Variants in ZNF665 observed in about 807,000 individuals in gnomAD.
ZNF665 encodes the protein zinc finger protein 665.
In ZNF665, 6 loss-of-function variants were observed where a neutral mutation model predicts 7.9. The ratio of observed to expected loss-of-function variants is 0.76; its 90% CI spans 0.42 to 1.50. The LOEUF (loss-of-function observed/expected upper bound fraction) is 1.50. ZNF665 is among the 40% of genes most tolerant of loss of function. The probability of loss-of-function intolerance (pLI) is 0.01; values close to 1 mark genes in which losing one functional copy is unlikely to be tolerated. For synonymous variants in ZNF665, 242 were observed against 274.5 expected (o/e 0.88, Z 1.17); for missense variants, 819 against 806.7 (o/e 1.02, Z -0.18).
intron 1 of ZNF665, among the ~76,000 whole-genome samples, chr19:53,184,792 C>T (rs561276368): frequency 1.8e-4 from 27 of 150,798 alleles, no homozygotes; most frequent in African/African-American, 4.6e-4. Context: ...TGCCAGGCCG[C>T]GCTGATATTT....
intron 3 of ZNF665, among the ~76,000 whole-genome samples, chr19:53,174,387 T>G (rs546511961): frequency 4.6e-5 from 7 of 152,240 alleles, no homozygotes; most frequent in African/African-American, 1.7e-4. Flanking sequence ...GGGTATTAAG[T>G]GGTAGGGAAA....
chr19:53,183,741 A>G (rs1183023301), intron 1 of ZNF665, among the ~76,000 whole-genome samples: 1 of 152,142 alleles, frequency 6.6e-6, no homozygotes, highest in Admixed American at 6.5e-5. Context: ...GGGTGTTTGC[A>G]CCTGCACCTG....
intron 3 of ZNF665, among the ~76,000 whole-genome samples, chr19:53,167,547 C>T (rs1317386122): frequency 2.0e-5 from 3 of 149,766 alleles, no homozygotes; most frequent in East Asian, 2.1e-4. Context: ...CCCGGGTTCC[C>T]GCCATTCTCC....
chr19:53,178,669 AC>A (rs760981733), intron 2 of ZNF665, among the ~76,000 whole-genome samples: 3 of 152,246 alleles, frequency 2.0e-5, no homozygotes, highest in Admixed American at 6.5e-5. Context: ...GTCGAGCAAA[AC>A]TGGCCACAGA....
chr19:53,166,470 A>G lies in ZNF665; in HGVS notation c.143-123T>C, dbSNP rs2090617000. The G allele has an allele frequency of 1.0e-5, 9 of 901,748 alleles. No homozygotes were observed. In the South Asian group the frequency reaches 1.9e-4, roughly 19 times the overall value. 55.9% of individuals were successfully genotyped at this position (901,748 alleles called of 1,614,324 possible). On this transcript the variant is annotated intron_variant, in intron 3 of 3. Coordinates refer to ENST00000396424, the MANE Select transcript of ZNF665 (RefSeq NM_024733.5). ...ATGTTGAACAGACTTACGATTCTTC[A>G]GAACCATAATTTTCCAGAACACAAA... is the stretch of plus-strand genomic sequence containing the variant.
At chr19:53,170,191 A>G (rs1002433027) in intron 3 of ZNF665, among the ~76,000 whole-genome samples, 1 of 151,636 alleles carries the variant, frequency 6.6e-6, no homozygotes, top group African/African-American at 2.4e-5. Flanking sequence ...CCTCTCCAGC[A>G]CCTGTTGTTT....
intron 1 of ZNF665, among the ~76,000 whole-genome samples, chr19:53,184,742 C>T (rs2090763975): frequency 6.6e-6 from 1 of 152,090 alleles, no homozygotes; most frequent in Non-Finnish European, 1.5e-5. Flanking sequence ...GCCCGGGGGA[C>T]CACTACCACC....
chr19:53,169,450 T>C (rs566144843), intron 3 of ZNF665, among the ~76,000 whole-genome samples: 271 of 152,282 alleles, frequency 1.8e-3, no homozygotes, highest in African/African-American at 5.8e-3. Context: ...ACACTGGTAG[T>C]GGGAATGTAA....
At chr19:53,171,416 T>TA (rs1357598512) in intron 3 of ZNF665, among the ~76,000 whole-genome samples, 1 of 151,010 alleles carries the variant, frequency 6.6e-6, no homozygotes, top group African/African-American at 2.4e-5. Flanking sequence ...AGGAGGTGGC[T>TA]ATGAAATTGT....
rs148568590 is a variant in ZNF665 at position 53,174,332 on chromosome 19, G to A, written c.142+1113C>T. Among the ~76,000 whole-genome samples, 92 of 152,280 alleles carry A rather than the reference G, an allele frequency of 6.0e-4. 1 individual carries two copies. Among genetic ancestry groups the A allele is most frequent in the East Asian group, 5.0e-3 (26 of 5,184 alleles). ...CATGTGTTGCTCTTTGGGCTGTAGCGCCACTGCAGGTTGGAAGGATGAAGT... is the reference window on the plus strand; with the variant it reads ...CATGTGTTGCTCTTTGGGCTGTAGCACCACTGCAGGTTGGAAGGATGAAGT... On this transcript the variant is annotated intron_variant, in intron 3 of 3. Transcript: ENST00000396424.
chr19:53,171,524 A>ATATATATATTTTTTT (rs372855271), intron 3 of ZNF665, among the ~76,000 whole-genome samples: 13 of 69,332 alleles, frequency 1.9e-4, no homozygotes, highest in Admixed American at 2.2e-4. Context: ...ATATATATAT[A>ATATATATATTTTTTT]TTTTTTTTTT....
intron 2 of ZNF665, 95 bp downstream of exon 2, chr19:53,182,789 C>G: frequency 1.3e-6 from 2 of 1,585,134 alleles, no homozygotes; most frequent in Non-Finnish European, 1.7e-6. Flanking sequence ...ACCTGTCAGG[C>G]AGGATGCTTC....
Position 53,166,514 on chromosome 19 carries a change from C to G in ZNF665, c.143-167G>C, listed in dbSNP as rs2090617267. Among the ~76,000 whole-genome samples, 3 of 152,154 alleles carry G rather than the reference C, an allele frequency of 2.0e-5. No homozygotes were observed. In the South Asian group the frequency reaches 6.2e-4, roughly 31 times the overall value. ...ACACAAAAGGAACAGGATTCCTTAT[C>G]AAAGAAAAGGTGGTAACATGTAATT... is the stretch of plus-strand genomic sequence containing the variant. On this transcript the variant is annotated intron_variant, in intron 3 of 3. Coordinates refer to ENST00000396424, the MANE Select transcript of ZNF665 (RefSeq NM_024733.5).
intron 1 of ZNF665, among the ~76,000 whole-genome samples, chr19:53,185,398 C>T (rs1464717426): frequency 6.6e-6 from 1 of 152,082 alleles, no homozygotes; most frequent in Non-Finnish European, 1.5e-5. Context: ...GTCCCCTCAG[C>T]TCCTATCTCT....
chr19:53,173,657 G>T (rs1315889874), intron 3 of ZNF665, among the ~76,000 whole-genome samples: 1 of 152,072 alleles, frequency 6.6e-6, no homozygotes, highest in Non-Finnish European at 1.5e-5. Context: ...ACAGGGGAAA[G>T]CCACCGCATC....
intron 3 of ZNF665, among the ~76,000 whole-genome samples, chr19:53,171,909 C>G (rs1405439177): frequency 6.6e-6 from 1 of 151,972 alleles, no homozygotes; most frequent in Non-Finnish European, 1.5e-5. Flanking sequence ...CATGTGCCAC[C>G]ACACCCAGCT....
At chr19:53,167,613 A>T (rs1483723112) in intron 3 of ZNF665, among the ~76,000 whole-genome samples, 2 of 149,512 alleles carry the variant, frequency 1.3e-5, no homozygotes, top group Non-Finnish European at 3.0e-5. Context: ...CGCCCGGCTA[A>T]TTTTTTGTAT....
At chr19:53,184,644 G>A (rs1383353241) in intron 1 of ZNF665, among the ~76,000 whole-genome samples, 1 of 152,206 alleles carries the variant, frequency 6.6e-6, no homozygotes. Context: ...CGGCCCCACA[G>A]GATTGGTGGG....
chr19:53,164,321 A>G lies in ZNF665; in HGVS notation c.*132T>C, dbSNP rs184566348. On this transcript the variant is annotated 3_prime_UTR_variant, in exon 4 of 4. Coordinates refer to ENST00000396424, the MANE Select transcript of ZNF665 (RefSeq NM_024733.5). ...CCCAGCTAATTTTTGTATTTTTAGT[A>G]GAGACAGCGTTTCACCGTGTTGGCC... 7 of 678,970 alleles carry G rather than the reference A, an allele frequency of 1.0e-5. No homozygotes were observed. The highest frequency in any genetic ancestry group is 1.7e-5 in the Non-Finnish European group (7 of 422,948). 42.1% of individuals were successfully genotyped at this position (678,970 alleles called of 1,614,324 possible).
Sources: allele counts gnomAD v4.1 joint callset (sites outside exome capture counted in the v4.1 genomes callset), GRCh38; gene constraint gnomAD v4.1.1; transcripts MANE v1.5; gene names NCBI Gene and HGNC (gene_info 2026-07-23, HGNC 2026-07-21).